SPAG16: variants seen among roughly 807,000 people sequenced by gnomAD.
SPAG16 encodes sperm associated antigen 16.
A neutral mutation model predicts 80.4 loss-of-function variants in SPAG16; 86 were observed. The observed-to-expected ratio is 1.07, with a 90% CI of 0.90 to 1.28. The LOEUF is 1.28. SPAG16 is among the 50% of genes most tolerant of loss of function. SPAG16 has a pLI of 0.00. For synonymous variants in SPAG16, 294 were observed against 265.9 expected, an observed-to-expected ratio of 1.11 and a Z score of -1.03; for missense variants, 870 against 765.3, an observed-to-expected ratio of 1.14 and a Z score of -1.61.
chr2:213,771,231 G>A (rs755573207), intron 10 of SPAG16, among the ~76,000 whole-genome samples: 89 of 151,812 alleles, frequency 5.9e-4, no homozygotes, highest in Admixed American at 2.0e-3. Flanking sequence ...GTTTTTTTTC[G>A]TATGTTTGCT....
intron 15 of SPAG16, among the ~76,000 whole-genome samples, chr2:214,382,007 T>C (rs1200966022): frequency 2.0e-5 from 3 of 152,234 alleles, no homozygotes; most frequent in African/African-American, 7.2e-5. Flanking sequence ...AAGTGATCCA[T>C]AAATTTATTT....
chr2:213,758,780 T>C (rs1030096559), intron 10 of SPAG16, among the ~76,000 whole-genome samples: 5 of 152,090 alleles, frequency 3.3e-5, no homozygotes, highest in Admixed American at 2.6e-4. Context: ...CCAAATCTGA[T>C]AAAAGACATT....
chr2:214,293,215 T>C (rs1693920675), intron 15 of SPAG16, among the ~76,000 whole-genome samples: 1 of 152,126 alleles, frequency 6.6e-6, no homozygotes, highest in Non-Finnish European at 1.5e-5. Flanking sequence ...TGGGCAGTGG[T>C]GTGGTGTGCA....
chr2:213,474,470 T>C (rs985349284), intron 9 of SPAG16, among the ~76,000 whole-genome samples: 1 of 152,136 alleles, frequency 6.6e-6, no homozygotes, highest in Non-Finnish European at 1.5e-5. Flanking sequence ...ACCAGCTTTA[T>C]TACATTCCCC....
At chr2:214,120,356 G>A (rs574485429) in intron 14 of SPAG16, among the ~76,000 whole-genome samples, 51 of 151,644 alleles carry the variant, frequency 3.4e-4, no homozygotes, top group Admixed American at 7.2e-4. Flanking sequence ...TAGAAATGTA[G>A]TATTTTAGAT....
intron 15 of SPAG16, among the ~76,000 whole-genome samples, chr2:214,195,184 T>C (rs2057789588): frequency 6.6e-6 from 1 of 151,854 alleles, no homozygotes; most frequent in Non-Finnish European, 1.5e-5. Flanking sequence ...GAATGATGTG[T>C]ATAAAAGCCC....
rs140538230 is a variant in SPAG16 at position 214,388,553 on chromosome 2, T to G, written c.1721-21587T>G. Among the ~76,000 whole-genome samples, 98 of 152,316 alleles carry G rather than the reference T, an allele frequency of 6.4e-4. 1 individual carries two copies. In the East Asian group the frequency reaches 0.018, roughly 28 times the overall value. On this transcript the variant is annotated intron_variant, in intron 15 of 15. Coordinates refer to ENST00000331683, the MANE Select transcript of SPAG16 (RefSeq NM_024532.5). Reference sequence around the variant, plus strand: ...CAGAACCAAATTATTAAAATCACCTTCATCAAGACAGAATTAAGTCAGAGG... The same window carrying G: ...CAGAACCAAATTATTAAAATCACCTGCATCAAGACAGAATTAAGTCAGAGG...
At chr2:214,239,475 G>A (rs1010221797) in intron 15 of SPAG16, 1 of 152,158 alleles carries the variant, frequency 6.6e-6, no homozygotes, top group African/African-American at 2.4e-5. Context: ...TCTAGATTTA[G>A]TAAAGCTCTC....
At chr2:213,830,528 C>T (rs2073572774) in intron 10 of SPAG16, among the ~76,000 whole-genome samples, 1 of 152,090 alleles carries the variant, frequency 6.6e-6, no homozygotes, top group Admixed American at 6.6e-5. Context: ...ATTTGGTGTT[C>T]CTGCAGGAAG....
chr2:214,362,070 A>G (rs1049596498), intron 15 of SPAG16, among the ~76,000 whole-genome samples: 2 of 152,024 alleles, frequency 1.3e-5, no homozygotes, highest in Middle Eastern at 3.4e-3. Context: ...AGTAACCTAC[A>G]GGAGCAAAGT....
chr2:213,795,821 A>C (rs1575159143), intron 10 of SPAG16, among the ~76,000 whole-genome samples: 1 of 152,008 alleles, frequency 6.6e-6, no homozygotes, highest in South Asian at 2.1e-4. Context: ...CTTTTCCTTC[A>C]CCTTCCACAG....
At chr2:213,674,328 A>G (rs2063944363) in intron 10 of SPAG16, among the ~76,000 whole-genome samples, 1 of 150,982 alleles carries the variant, frequency 6.6e-6, no homozygotes, top group Admixed American at 6.6e-5. Context: ...TCTTAAAGTC[A>G]TTGTAATCTA....
intron 10 of SPAG16, among the ~76,000 whole-genome samples, chr2:213,768,798 G>A (rs559399233): frequency 3.5e-4 from 53 of 152,278 alleles, no homozygotes; most frequent in Non-Finnish European, 6.2e-4. Flanking sequence ...CATAAGAAAT[G>A]TATGTCAATA....
chr2:214,144,581 C>T (rs976234945), intron 14 of SPAG16, among the ~76,000 whole-genome samples: 1 of 152,068 alleles, frequency 6.6e-6, no homozygotes, highest in Non-Finnish European at 1.5e-5. Context: ...GTGTTTACAA[C>T]ATTCTCATGT....
At chr2:214,296,859 T>G (rs1694168863) in intron 15 of SPAG16, among the ~76,000 whole-genome samples, 1 of 152,164 alleles carries the variant, frequency 6.6e-6, no homozygotes, top group Non-Finnish European at 1.5e-5. Flanking sequence ...CACCTCACAG[T>G]AATGAGTGAG....
At chr2:213,781,032 T>C (rs1458894353) in intron 10 of SPAG16, among the ~76,000 whole-genome samples, 1 of 152,178 alleles carries the variant, frequency 6.6e-6, no homozygotes, top group Admixed American at 6.5e-5. Context: ...TGAAAAATAA[T>C]ATAGGCTTTT....
chr2:213,645,406 A>T (rs911035503), intron 10 of SPAG16, among the ~76,000 whole-genome samples: 1 of 152,132 alleles, frequency 6.6e-6, no homozygotes, highest in Non-Finnish European at 1.5e-5. Context: ...AAAGCCCTTG[A>T]TGCAGTACCT....
chr2:214,224,640 T>C (rs1027098626), intron 15 of SPAG16, among the ~76,000 whole-genome samples: 22 of 152,212 alleles, frequency 1.4e-4, no homozygotes, highest in African/African-American at 5.3e-4. Context: ...CTGTGTTTGC[T>C]TTGTTGTTGG....
intron 9 of SPAG16, among the ~76,000 whole-genome samples, chr2:213,397,812 G>A (rs761104475): frequency 1.3e-5 from 2 of 152,016 alleles, no homozygotes; most frequent in Non-Finnish European, 2.9e-5. Context: ...CACTCCCTAG[G>A]TGATCTCATC....
Sources: allele counts gnomAD v4.1 joint callset (sites outside exome capture counted in the v4.1 genomes callset), GRCh38; gene constraint gnomAD v4.1.1; transcripts MANE v1.5; gene names NCBI Gene and HGNC (gene_info 2026-07-23, HGNC 2026-07-21).